Variants in RRN3 observed in about 807,000 individuals in gnomAD.
The protein encoded by RRN3 is RNA polymerase I transcription factor RRN3.
A neutral mutation model predicts 82.3 loss-of-function variants in RRN3; 38 were observed. The observed-to-expected ratio is 0.46, with a 90% CI of 0.36 to 0.61. The LOEUF (loss-of-function observed/expected upper bound fraction) is 0.61. Among genes scored for constraint, RRN3 ranks in the 20% least tolerant of loss-of-function variants. The probability of loss-of-function intolerance (pLI) is 0.00; values close to 1 mark genes in which losing one functional copy is unlikely to be tolerated. For synonymous variants in RRN3, 284 were observed against 284.3 expected (o/e 1.00, Z 0.01); for missense variants, 726 against 793.1 (o/e 0.92, Z 1.02).
chr16:15,085,779 G>C, intron 5 of RRN3, 81 bp from the exon 6 acceptor site: 2 of 1,569,878 alleles, frequency 1.3e-6, no homozygotes, highest in Non-Finnish European at 1.7e-6. Flanking sequence ...TACTGACCTA[G>C]ACAATGAACA....
intron 6 of RRN3, 29 bp downstream of exon 6, chr16:15,085,610 G>T: frequency 6.2e-7 from 1 of 1,605,590 alleles, no homozygotes; most frequent in Non-Finnish European, 8.5e-7. Context: ...AAGCTACTGT[G>T]CCCAGGCTTT....
intron 9 of RRN3, among the ~76,000 whole-genome samples, chr16:15,078,389 C>T (rs2045554306): frequency 6.6e-6 from 1 of 152,130 alleles, no homozygotes; most frequent in Non-Finnish European, 1.5e-5. Context: ...CACAACCCTG[C>T]ACCAAGGTCT....
Position 15,065,319 on chromosome 16 carries a change from T to C in RRN3, c.1606A>G (p.Met536Val). 1 of 1,613,808 alleles carries C rather than the reference T, an allele frequency of 6.2e-7. No individual in the cohort carries two copies. Among genetic ancestry groups the C allele is most frequent in the Non-Finnish European group, 8.5e-7 (1 of 1,179,772 alleles). The change falls in exon 16 of 18, where the codon ATG becomes GTG. Residue 536 changes from methionine (M) to valine (V), a missense_variant. By Grantham distance (21) the Met-to-Val change is conservative. Transcript: ENST00000198767. ...YTIIERNNRQ[M>V]LPVIRSTAGG... is the part of the protein sequence containing the mutation. ...GCGGTACTCCTAATGACTGGCAGCA[T>C]CTGGCGATTGTTCCTCTCAATGATG...
At chr16:15,092,007 C>T (rs1302746045) in intron 2 of RRN3, among the ~76,000 whole-genome samples, 4 of 151,882 alleles carry the variant, frequency 2.6e-5, no homozygotes, top group African/African-American at 7.3e-5. Context: ...TGAAACCCTG[C>T]CTCTACTAAA....
chr16:15,087,256 T>C (rs1208453988), intron 3 of RRN3, among the ~76,000 whole-genome samples: 1 of 152,212 alleles, frequency 6.6e-6, no homozygotes, highest in Non-Finnish European at 1.5e-5. Context: ...TTAGTGAGAA[T>C]ACACCATATG....
At position 15,071,167 on chromosome 16, in the gene RRN3, T is replaced by C; in HGVS notation, c.1213A>G (p.Asn405Asp). ...NPAIIRQAAG[N>D]YIGSFLARAK... ...CTTGCCAAAAAGCTTCCAATATAAT[T>C]TCCAGCAGCCTGCCTGATGATGGCA... The change falls in exon 13 of 18, where the codon AAT becomes GAT. Residue 405 changes from asparagine (N) to aspartate (D), a missense_variant. Asn to Asp is a conservative substitution (Grantham distance 23). Around this residue, in one of 4 missense-constraint regions of RRN3, gnomAD observed 81 missense variants for 156.4 expected, o/e 0.52. Coordinates refer to ENST00000198767, the MANE Select transcript of RRN3 (RefSeq NM_018427.5). 6.2e-7 allele frequency: 1 copy of C among 1,610,662 alleles called. No individual in the cohort carries two copies. The highest frequency in any genetic ancestry group is 8.5e-7 in the Non-Finnish European group (1 of 1,179,398).
chr16:15,065,677 T>C (rs2044939696), intron 15 of RRN3, among the ~76,000 whole-genome samples: 1 of 152,218 alleles, frequency 6.6e-6, no homozygotes, highest in Non-Finnish European at 1.5e-5. Context: ...ATACTATTCA[T>C]TAAAAATAAA....
At chr16:15,085,820 A>G in intron 5 of RRN3, 122 bp from the exon 6 acceptor site, 1 of 1,401,138 alleles carries the variant, frequency 7.1e-7, no homozygotes, top group South Asian at 1.4e-5. Context: ...TCCATAATCC[A>G]AAGTTAGCCC....
chr16:15,079,889 G>C lies in RRN3; in HGVS notation c.765+109C>G, dbSNP rs2941253. On this transcript the variant is annotated intron_variant, in intron 9 of 17. Transcript: ENST00000198767. ...TGGGAATACAGGCGTGAGTCACCAC[G>C]CCTGGCCAAGTGGATTCTTTTCTAT... 1.9e-4 allele frequency: 243 copies of C among 1,283,434 alleles called. 3 individuals carry two copies. In the East Asian group the frequency reaches 6.4e-3, roughly 34 times the overall value. The allele number at this position is 1,283,434 out of a possible 1,614,324, so 79.5% of individuals were successfully genotyped here.
intron 8 of RRN3, 108 bp downstream of exon 8, chr16:15,083,405 G>T (rs1477126437): frequency 2.7e-5 from 40 of 1,492,772 alleles, no homozygotes; most frequent in Non-Finnish European, 3.1e-5. Flanking sequence ...TCTCAAAAAA[G>T]AAAAAGAAAA....
intron 11 of RRN3, among the ~76,000 whole-genome samples, chr16:15,073,566 G>T (rs1242656179): frequency 6.6e-6 from 1 of 152,124 alleles, no homozygotes; most frequent in Non-Finnish European, 1.5e-5. Context: ...CACCTGCAAG[G>T]AAGCAGGCCC....
chr16:15,094,068 T>A, intron 1 of RRN3, 77 bp downstream of exon 1: 1 of 1,307,158 alleles, frequency 7.7e-7, no homozygotes, highest in Non-Finnish European at 1.1e-6. Flanking sequence ...TTGTCCCACA[T>A]CCTTTCAATC....
chr16:15,084,793 C>T (rs1321121415), intron 6 of RRN3, 88 bp from the exon 7 acceptor site: 5 of 911,038 alleles, frequency 5.5e-6, no homozygotes, highest in Non-Finnish European at 9.0e-6. Context: ...TGGCTGGGCA[C>T]AGTGGCTCAC....
At chr16:15,074,680 G>C in intron 11 of RRN3, 43 bp downstream of exon 11, 1 of 1,514,848 alleles carries the variant, frequency 6.6e-7, no homozygotes, top group African/African-American at 1.4e-5. Flanking sequence ...ACAAAGCCAG[G>C]TACACTGCAG....
At chr16:15,094,053 G>A (rs1266620970) in intron 1 of RRN3, 92 bp downstream of exon 1, 3 of 1,148,642 alleles carry the variant, frequency 2.6e-6, no homozygotes, top group Non-Finnish European at 1.3e-6. Flanking sequence ...CACACGCCAT[G>A]AGCTTTGTCC....
intron 9 of RRN3, among the ~76,000 whole-genome samples, chr16:15,077,771 G>A (rs1307351120): frequency 1.3e-5 from 2 of 152,232 alleles, no homozygotes. Context: ...AACCCCGGAG[G>A]TGGAGGTTGC....
Position 15,086,379 on chromosome 16 carries a change from T to C in RRN3, c.328A>G (p.Ile110Val), listed in dbSNP as rs764080357. The C allele has an allele frequency of 6.2e-7, 1 of 1,613,654 alleles. No homozygotes were observed. The highest frequency in any genetic ancestry group is 1.3e-5 in the African/African-American group (1 of 74,920). Residue 110 changes from isoleucine to valine, a missense_variant, in exon 4 of 18, where the codon ATC (isoleucine) becomes GTC (valine). This residue lies in a region of RRN3 where 344 missense variants were observed against 394.5 expected (regional missense o/e 0.87). Coordinates refer to ENST00000198767, the MANE Select transcript of RRN3 (RefSeq NM_018427.5). ...GGTGAACTTACTAATATAATACTGA[T>C]AAGTTGCTCAAAGTCTTTTGTCAAG... ...MYLTKDFEQL[I>V]SIILRLPWLN... is the part of the protein sequence containing the mutation.
chr16:15,085,611 C>T (rs777979590), intron 6 of RRN3, 28 bp downstream of exon 6: 2 of 1,605,778 alleles, frequency 1.2e-6, no homozygotes, highest in Non-Finnish European at 1.7e-6. Context: ...AGCTACTGTG[C>T]CCAGGCTTTA....
chr16:15,084,946 G>C (rs1052442297), intron 6 of RRN3, among the ~76,000 whole-genome samples: 2 of 151,858 alleles, frequency 1.3e-5, no homozygotes, highest in African/African-American at 4.8e-5. Flanking sequence ...AATGCCTGTA[G>C]TCCCATCTAC....
Sources: gnomAD v4.1 joint callset for allele counts (sites outside exome capture counted in the v4.1 genomes callset) on GRCh38, gnomAD v4.1.1 for gene constraint, gnomAD v4.1.1 regional missense constraint, MANE v1.5 for transcripts, NCBI Gene and HGNC (gene_info 2026-07-23, HGNC 2026-07-21) for gene names.